The following EMCN variants were observed in gnomAD, a reference collection of about 807,000 sequenced individuals.
EMCN encodes endomucin, also known as MUC-14.
EMCN carries 37 observed loss-of-function variants against 38.4 expected under a neutral mutation model. The ratio of observed to expected loss-of-function variants is 0.96; its 90% confidence interval spans 0.74 to 1.27. The LOEUF is 1.27. Among genes scored for constraint, EMCN ranks in the 50% most tolerant of loss-of-function variants. EMCN has a pLI of 0.00. For synonymous variants in EMCN, 95 were observed against 100.8 expected (o/e 0.94, Z 0.35); for missense variants, 318 against 302.8 (o/e 1.05, Z -0.37).
chr4:100,462,233 T>C (rs1487753078), intron 4 of EMCN, among the ~76,000 whole-genome samples: 3 of 152,204 alleles, frequency 2.0e-5, no homozygotes, highest in African/African-American at 7.2e-5. Flanking sequence ...TATCCTGCTT[T>C]CCAGAGTGTT....
intron 1 of EMCN, among the ~76,000 whole-genome samples, chr4:100,482,679 A>G (rs1478469391): frequency 6.6e-6 from 1 of 152,104 alleles, no homozygotes; most frequent in East Asian, 1.9e-4. Flanking sequence ...GAACACCCAG[A>G]CCAAGATTTA....
chr4:100,437,255 T>C (rs1390332083), intron 5 of EMCN, among the ~76,000 whole-genome samples: 1 of 152,198 alleles, frequency 6.6e-6, no homozygotes, highest in Non-Finnish European at 1.5e-5. Context: ...CAGGGTATTT[T>C]GCCCATTTTT....
At chr4:100,434,626 A>G (rs956140453) in intron 5 of EMCN, among the ~76,000 whole-genome samples, 1 of 152,170 alleles carries the variant, frequency 6.6e-6, no homozygotes, top group African/African-American at 2.4e-5. Flanking sequence ...AAAATCCTCA[A>G]TAAAATACTG....
chr4:100,427,353 C>G (rs1218802540), intron 5 of EMCN, among the ~76,000 whole-genome samples: 3 of 152,010 alleles, frequency 2.0e-5, no homozygotes, highest in South Asian at 2.1e-4. Context: ...TTCCCTGCAG[C>G]CTTCATTTAC....
At chr4:100,440,506 C>G (rs1727481644) in intron 5 of EMCN, among the ~76,000 whole-genome samples, 3 of 152,000 alleles carry the variant, frequency 2.0e-5, no homozygotes, top group Admixed American at 2.0e-4. Context: ...TTTTCTCTTC[C>G]TGAGTTACTT....
At chr4:100,409,145 A>C (rs1174590727) in intron 11 of EMCN, among the ~76,000 whole-genome samples, 2 of 152,190 alleles carry the variant, frequency 1.3e-5, no homozygotes, top group African/African-American at 2.4e-5. Flanking sequence ...GCCATGAATA[A>C]CAATATTTCT....
At chr4:100,438,746 G>T (rs866819081) in intron 5 of EMCN, among the ~76,000 whole-genome samples, 4 of 151,552 alleles carry the variant, frequency 2.6e-5, no homozygotes, top group African/African-American at 9.7e-5. Context: ...ATTATATTGA[G>T]AAACATTCCT....
intron 10 of EMCN, among the ~76,000 whole-genome samples, chr4:100,414,749 T>A (rs919794738): frequency 6.6e-6 from 1 of 152,164 alleles, no homozygotes; most frequent in Non-Finnish European, 1.5e-5. Flanking sequence ...ATCTTGCTCT[T>A]GATTTGGGAC....
At chr4:100,439,331 G>A (rs1191157065) in intron 5 of EMCN, among the ~76,000 whole-genome samples, 1 of 151,530 alleles carries the variant, frequency 6.6e-6, no homozygotes, top group Non-Finnish European at 1.5e-5. Flanking sequence ...ATTTCTTCTT[G>A]AATTGATCCT....
chr4:100,425,051 G>A (rs1388851013), intron 5 of EMCN, among the ~76,000 whole-genome samples: 1 of 151,772 alleles, frequency 6.6e-6, no homozygotes, highest in Non-Finnish European at 1.5e-5. Flanking sequence ...AGACTTCATA[G>A]TGGAAAGATT....
chr4:100,415,964 T>C lies in EMCN; in HGVS notation c.690-5A>G. ...CTCTCTTTATCAGACTGAGGTCTAT[T>C]TGAAAAAAAAAACATGAAATTAACA... On this transcript the variant is annotated splice_polypyrimidine_tract_variant and splice_region_variant and intron_variant, in intron 9 of 11. Transcript: ENST00000296420. The C allele has an allele frequency of 6.3e-7, 1 of 1,577,852 alleles. No individual in the cohort carries two copies.
chr4:100,417,240 C>T (rs1726762746), intron 8 of EMCN, 99 bp from the exon 9 acceptor site: 1 of 1,016,530 alleles, frequency 9.8e-7, no homozygotes, highest in Non-Finnish European at 1.5e-6. Flanking sequence ...CCACTCTTTT[C>T]TATGCAGAGA....
intron 4 of EMCN, among the ~76,000 whole-genome samples, chr4:100,448,927 C>T (rs1195546710): frequency 2.0e-5 from 3 of 152,032 alleles, no homozygotes; most frequent in South Asian, 4.2e-4. Flanking sequence ...ACCACCTTCA[C>T]CAAATTGTTT....
At chr4:100,426,736 C>T (rs1727055015) in intron 5 of EMCN, among the ~76,000 whole-genome samples, 1 of 152,034 alleles carries the variant, frequency 6.6e-6, no homozygotes, top group African/African-American at 2.4e-5. Flanking sequence ...TTGTTTAAAC[C>T]TTTTATTTTC....
chr4:100,502,758 G>A (rs897958913), intron 1 of EMCN, among the ~76,000 whole-genome samples: 6 of 152,004 alleles, frequency 3.9e-5, no homozygotes, highest in African/African-American at 1.4e-4. Flanking sequence ...TCCTCTTATT[G>A]TTTTAGTTTT....
chr4:100,455,414 G>T (rs942726852), intron 4 of EMCN, among the ~76,000 whole-genome samples: 6 of 150,958 alleles, frequency 4.0e-5, no homozygotes, highest in African/African-American at 1.5e-4. Flanking sequence ...TTTCCATCTG[G>T]TACCATATTT....
rs143612058 is a variant in EMCN, at chr4:100,433,974, C to T, written c.416-10570G>A. On this transcript the variant is annotated intron_variant, in intron 5 of 11. Transcript: ENST00000296420. Reference sequence around the variant, plus strand: ...CATCACAATTAAAAGAACTAGAGAACCAAAAGCAAACAAACCCCAAAGCTG... The same window carrying T: ...CATCACAATTAAAAGAACTAGAGAATCAAAAGCAAACAAACCCCAAAGCTG... Among the ~76,000 whole-genome samples, 195 of 152,076 alleles carry T rather than the reference C, an allele frequency of 1.3e-3. 1 individual carries two copies. Among genetic ancestry groups the T allele is most frequent in the African/African-American group, 3.9e-3 (163 of 41,504 alleles).
intron 4 of EMCN, among the ~76,000 whole-genome samples, chr4:100,453,843 TA>T (rs1396346147): frequency 6.6e-6 from 1 of 152,058 alleles, no homozygotes; most frequent in Middle Eastern, 3.2e-3. Flanking sequence ...TATGCAGCCA[TA>T]AAAAATGATG....
At chr4:100,431,950 A>T (rs973258277) in intron 5 of EMCN, among the ~76,000 whole-genome samples, 6 of 152,080 alleles carry the variant, frequency 3.9e-5, no homozygotes, top group African/African-American at 1.4e-4. Flanking sequence ...ACAATGGTCC[A>T]TTTTGCTCAG....
Sources: gnomAD v4.1 joint callset for allele counts (sites outside exome capture counted in the v4.1 genomes callset) on GRCh38, gnomAD v4.1.1 for gene constraint, MANE v1.5 for transcripts, NCBI Gene and HGNC (gene_info 2026-07-23, HGNC 2026-07-21) for gene names.